SLC24A1: variants seen among roughly 807,000 people sequenced by gnomAD.
SLC24A1 encodes the protein solute carrier family 24 member 1, also known as sodium/potassium/calcium exchanger 1.
In SLC24A1, 52 loss-of-function variants were observed where a neutral mutation model predicts 88.1. The ratio of observed to expected loss-of-function variants is 0.59; its 90% CI spans 0.47 to 0.74. The LOEUF is 0.74. Among genes scored for constraint, SLC24A1 ranks in the 30% least tolerant of loss-of-function variants. The pLI is 0.00. For synonymous variants in SLC24A1, 455 were observed against 498.0 expected, an observed-to-expected ratio of 0.91 and a Z score of 1.15; for missense variants, 1,173 against 1,363.3, an observed-to-expected ratio of 0.86 and a Z score of 2.20.
At chr15:65,660,010 G>A (rs892915685), downstream of SLC24A1, 19 of 340,078 alleles carry the variant, frequency 5.6e-5, no homozygotes, top group African/African-American at 3.4e-4. Context: ...AACCCCAGAC[G>A]GTTCTCTTGG....
intron 2 of SLC24A1, among the ~76,000 whole-genome samples, chr15:65,630,948 G>A (rs1000405541): frequency 3.3e-5 from 5 of 152,050 alleles, no homozygotes; most frequent in African/African-American, 1.2e-4. Flanking sequence ...TCCGGCCTGG[G>A]CAACAGAGCA....
rs1332982540 is a variant in SLC24A1, at chr15:65,624,696, A to C, written c.616A>C (p.Met206Leu). 1.9e-6 allele frequency: 3 copies of C among 1,608,214 alleles called. No homozygotes were observed. The Admixed American group carries it at 5.1e-5, about 27-fold the overall frequency. Reference protein sequence around the residue: ...RVGTYVPSTFMTMETSHAITP... With the variant: ...RVGTYVPSTFLTMETSHAITP... ...AGGCACTTACGTGCCGTCCACATTC[A>C]TGACAATGGAAACAAGCCATGCGAT... The change falls in exon 2 of 10, where the codon ATG becomes CTG. Residue 206 changes from methionine (M) to leucine (L), a missense_variant. Physicochemically the swap from Met to Leu is conservative, Grantham distance 15. Coordinates refer to ENST00000261892, the MANE Select transcript of SLC24A1 (RefSeq NM_004727.3).
intron 5 of SLC24A1, among the ~76,000 whole-genome samples, chr15:65,644,842 A>G (rs1055743220): frequency 3.9e-5 from 6 of 152,076 alleles, no homozygotes; most frequent in African/African-American, 1.4e-4. Context: ...TCTCATCCCA[A>G]ATGAGACTGT....
intron 6 of SLC24A1, among the ~76,000 whole-genome samples, chr15:65,648,925 C>G (rs1305297845): frequency 6.6e-6 from 1 of 152,112 alleles, no homozygotes; most frequent in East Asian, 1.9e-4. Context: ...GCATCTATGT[C>G]TGAGACCACA....
rs1039372978 is a variant in SLC24A1 at position 65,654,850 on chromosome 15, G to A, written c.*771G>A. On this transcript the variant is annotated 3_prime_UTR_variant, in exon 10 of 10. Coordinates refer to ENST00000261892, the MANE Select transcript of SLC24A1 (RefSeq NM_004727.3). ...CCTGAAGTCGTGATCTGCCCGCCTC[G>A]GCCTCCCAAAGTGCTGGGATTACAG... 7.3e-6 allele frequency: 8 copies of A among 1,090,338 alleles called. No individual in the cohort carries two copies. The highest frequency in any genetic ancestry group is 6.7e-5 in the African/African-American group (4 of 59,358). The allele number at this position is 1,090,338 out of a possible 1,614,324, so 67.5% of individuals were successfully genotyped here. A position where few individuals can be genotyped will look rare whatever the true frequency, so the allele number is the denominator to read the frequency against.
At chr15:65,646,008 G>C (rs1253966541) in intron 6 of SLC24A1, among the ~76,000 whole-genome samples, 1 of 152,194 alleles carries the variant, frequency 6.6e-6, no homozygotes, top group Non-Finnish European at 1.5e-5. Flanking sequence ...AGTGAGACCA[G>C]GTAGCTCCTG....
chr15:65,644,390 A>G lies in SLC24A1; in HGVS notation c.2054-37A>G, dbSNP rs375488304. 23 of 1,408,064 alleles carry G rather than the reference A, an allele frequency of 1.6e-5. No homozygotes were observed. In the African/African-American group the frequency reaches 2.8e-4, roughly 17 times the overall value. The allele number at this position is 1,408,064 out of a possible 1,614,324, so 87.2% of individuals were successfully genotyped here. ...AAGGGCGTGGCAGGGATGATCCTACAATTCCAGGTAAGATGTATGTCCTGT... is the reference window on the plus strand; with the variant it reads ...AAGGGCGTGGCAGGGATGATCCTACGATTCCAGGTAAGATGTATGTCCTGT... On this transcript the variant is annotated intron_variant, in intron 4 of 9. Coordinates refer to ENST00000261892, the MANE Select transcript of SLC24A1 (RefSeq NM_004727.3).
At chr15:65,653,702 A>G in intron 9 of SLC24A1, 128 bp from the exon 10 acceptor site, 2 of 940,208 alleles carry the variant, frequency 2.1e-6, no homozygotes, top group Middle Eastern at 2.8e-4. Context: ...AATGGGGCTA[A>G]TAATTTCTGT....
intron 2 of SLC24A1, among the ~76,000 whole-genome samples, chr15:65,615,721 GTTAATT>G (rs1340880746): frequency 2.0e-5 from 3 of 151,986 alleles, no homozygotes; most frequent in Non-Finnish European, 4.4e-5. Context: ...AAAATTCAAA[GTTAATT>G]TTAATTTTTT....
chr15:65,626,131 G>A (rs1055849129), intron 2 of SLC24A1, among the ~76,000 whole-genome samples, 161 bp downstream of exon 2: 14 of 152,220 alleles, frequency 9.2e-5, no homozygotes, highest in African/African-American at 2.9e-4. Flanking sequence ...TCTCTGCCAG[G>A]CACTGTGCTG....
chr15:65,638,071 T>C (rs1355979118), intron 2 of SLC24A1, 57 bp from the exon 3 acceptor site: 2 of 1,211,042 alleles, frequency 1.7e-6, no homozygotes, highest in Non-Finnish European at 1.2e-6. Context: ...GAAAGGGATG[T>C]AGGGAGAAAG....
chr15:65,615,872 TCCCCCACC>T (rs1471226125), intron 2 of SLC24A1, among the ~76,000 whole-genome samples: 1 of 94,606 alleles, frequency 1.1e-5, no homozygotes, highest in East Asian at 3.3e-4. Flanking sequence ...ATGCTATCCC[TCCCCCACC>T]CCCCCACCCC....
At chr15:65,658,191 C>CTTACT (rs2075744654), downstream of SLC24A1, 2 of 152,160 alleles carry the variant, frequency 1.3e-5, no homozygotes, top group East Asian at 3.8e-4. Flanking sequence ...AGCCAATATG[C>CTTACT]TTACTTTGAG....
rs2074437660 is a variant in SLC24A1 at position 65,624,624 on chromosome 15, G to C, written c.544G>C (p.Val182Leu). 2 of 1,593,832 alleles carry C rather than the reference G, an allele frequency of 1.3e-6. No individual in the cohort carries two copies. Among genetic ancestry groups the C allele is most frequent in the Non-Finnish European group, 1.7e-6 (2 of 1,170,238 alleles). ...GEMKSYSPTQ[V>L]REKVKYTPSP... Reference sequence around the variant, plus strand: ...AATGAAGAGCTACAGCCCAACTCAAGTGAGGGAAAAGGTGAAGTATACTCC... The same window carrying C: ...AATGAAGAGCTACAGCCCAACTCAACTGAGGGAAAAGGTGAAGTATACTCC... The change falls in exon 2 of 10, where the codon GTG (valine) becomes CTG (leucine). Residue 182 changes from valine to leucine, a missense_variant. By Grantham distance (32) the Val-to-Leu change is conservative. Coordinates refer to ENST00000261892, the MANE Select transcript of SLC24A1 (RefSeq NM_004727.3).
chr15:65,632,663 C>T (rs2074770759), intron 2 of SLC24A1, among the ~76,000 whole-genome samples: 1 of 152,210 alleles, frequency 6.6e-6, no homozygotes, highest in African/African-American at 2.4e-5. Flanking sequence ...ATTGAGCAAA[C>T]ATTCATTGAA....
chr15:65,616,051 CAT>C (rs1333988008), intron 2 of SLC24A1, among the ~76,000 whole-genome samples: 1 of 152,084 alleles, frequency 6.6e-6, no homozygotes, highest in Non-Finnish European at 1.5e-5. Context: ...CTGCAAAGGA[CAT>C]AAACTCATCC....
At chr15:65,644,262 C>A in intron 4 of SLC24A1, 165 bp from the exon 5 acceptor site, 2 of 656,010 alleles carry the variant, frequency 3.0e-6, no homozygotes, top group Admixed American at 2.1e-5. Flanking sequence ...GGCACCACAA[C>A]TAGGCCTCGT....
chr15:65,654,774 C>T lies in SLC24A1; in HGVS notation c.*695C>T, dbSNP rs1002154918. 15 of 1,071,566 alleles carry T rather than the reference C, an allele frequency of 1.4e-5. No homozygotes were observed. The highest frequency in any genetic ancestry group is 1.9e-5 in the Non-Finnish European group (15 of 803,116). 66.4% of individuals were successfully genotyped at this position (1,071,566 alleles called of 1,614,324 possible). ...AGGCTGGTGTGCAATGGCGTGATCT[C>T]GGCACACCACAACCTTCACCTCCCC... On this transcript the variant is annotated 3_prime_UTR_variant, in exon 10 of 10. Transcript: ENST00000261892.
At chr15:65,645,529 T>A in intron 5 of SLC24A1, 83 bp from the exon 6 acceptor site, 1 of 1,015,758 alleles carries the variant, frequency 9.8e-7, no homozygotes, top group Non-Finnish European at 1.5e-6. Context: ...AATAGCCCTG[T>A]AGCCACTTAT....
Sources: gnomAD v4.1 joint callset for allele counts (sites outside exome capture counted in the v4.1 genomes callset) on GRCh38, gnomAD v4.1.1 for gene constraint, MANE v1.5 for transcripts, NCBI Gene and HGNC (gene_info 2026-07-23, HGNC 2026-07-21) for gene names.